NDUFA9: variants seen among roughly 807,000 people sequenced by gnomAD.
The protein encoded by NDUFA9 is NADH:ubiquinone oxidoreductase subunit A9.
Under a neutral mutation model 45.9 loss-of-function variants are expected in NDUFA9, and 23 were observed. The observed-to-expected ratio is 0.50, with a 90% CI of 0.36 to 0.71. NDUFA9 has a LOEUF of 0.71. NDUFA9 is among the 30% of genes least tolerant of loss of function. NDUFA9 has a pLI of 0.00. For missense variants in NDUFA9, 466 were observed against 488.2 expected (o/e 0.95, Z 0.43); for synonymous variants, 176 against 170.5 (o/e 1.03, Z -0.25).
At chr12:4,654,639 T>G (rs1945778997) in intron 2 of NDUFA9, among the ~76,000 whole-genome samples, 177 bp downstream of exon 2, 1 of 152,182 alleles carries the variant, frequency 6.6e-6, no homozygotes, top group African/African-American at 2.4e-5. Context: ...TATATAGGAA[T>G]TATTAGGATA....
chr12:4,660,843 G>C (rs1945819427), intron 5 of NDUFA9, among the ~76,000 whole-genome samples: 1 of 152,194 alleles, frequency 6.6e-6, no homozygotes, highest in Non-Finnish European at 1.5e-5. Context: ...ATTGAGTGCA[G>C]TGGTTGGAGC....
Position 4,688,109 on chromosome 12 carries a change from CA to C in NDUFA9, c.*1005del, listed in dbSNP as rs1945998593. ...TGCCTGCATCAGAATCTTTTTATCC[CA>C]AAACGGTCAACAGTGAGCTACTCCA... On this transcript the variant is annotated 3_prime_UTR_variant, in exon 11 of 11. Coordinates refer to ENST00000266544, the MANE Select transcript of NDUFA9 (RefSeq NM_005002.5). 1.3e-5 allele frequency: 2 copies of C among 152,212 alleles called. No individual in the cohort carries two copies. 9.4% of individuals were successfully genotyped at this position (152,212 alleles called of 1,614,324 possible).
intron 8 of NDUFA9, among the ~76,000 whole-genome samples, chr12:4,672,504 C>T (rs896384278): frequency 6.6e-6 from 1 of 152,234 alleles, no homozygotes. Context: ...TCGCTCCTAG[C>T]TCAGCAGTCT....
Position 4,688,526 on chromosome 12 carries a change from A to G in NDUFA9, c.*1418A>G, listed in dbSNP as rs1166023853. On this transcript the variant is annotated 3_prime_UTR_variant, in exon 11 of 11. Coordinates refer to ENST00000266544, the MANE Select transcript of NDUFA9 (RefSeq NM_005002.5). ...AGAATCCTAGGTTTTGTCCTGTCCC[A>G]GGCGTGTTGAATCAGAATCTGCATT... is the stretch of plus-strand genomic sequence containing the variant. The G allele has an allele frequency of 1.3e-5, 2 of 149,900 alleles. No homozygotes were observed. Among genetic ancestry groups the G allele is most frequent in the East Asian group, 3.9e-4 (2 of 5,102 alleles). 9.3% of individuals were successfully genotyped at this position (149,900 alleles called of 1,614,324 possible).
Position 4,693,832 on chromosome 12 carries a change from G to C in NDUFA9, c.*6724G>C, listed in dbSNP as rs905771748. The stretch of plus-strand genomic sequence containing the variant: ...AGTAAGAAATTTGAATTAAGGAATC[G>C]TAAGGGAATCGAGATTATCTAGTTT... On this transcript the variant is annotated 3_prime_UTR_variant, in exon 11 of 11. Transcript: ENST00000266544. The C allele has an allele frequency of 4.6e-5, 7 of 152,294 alleles. No individual in the cohort carries two copies. Among genetic ancestry groups the C allele is most frequent in the East Asian group, 3.9e-4 (2 of 5,188 alleles). The allele number at this position is 152,294 out of a possible 1,614,324, so 9.4% of individuals were successfully genotyped here. A position where few individuals can be genotyped will look rare whatever the true frequency, so the allele number is the denominator to read the frequency against.
Position 4,681,748 on chromosome 12 carries a change from G to A in NDUFA9, c.801-457G>A, listed in dbSNP as rs553895640. Among the ~76,000 whole-genome samples the A allele has an allele frequency of 3.4e-3, 511 of 151,610 alleles. 4 individuals carry two copies. Among genetic ancestry groups the A allele is most frequent in the African/African-American group, 0.012 (482 of 41,420 alleles). The stretch of plus-strand genomic sequence containing the variant: ...ACTTCTACAAATATATTCTAAATGC[G>A]TAATCATGGATAAGTACAAATATTT... On this transcript the variant is annotated intron_variant, in intron 8 of 10. Transcript: ENST00000266544.
chr12:4,662,789 A>G (rs538385627), intron 6 of NDUFA9, 154 bp downstream of exon 6: 6 of 568,536 alleles, frequency 1.1e-5, no homozygotes, highest in Non-Finnish European at 1.9e-5. Flanking sequence ...TTCATAGTCA[A>G]TGTAGTCTTT....
intron 10 of NDUFA9, among the ~76,000 whole-genome samples, chr12:4,686,423 T>TG (rs1483660238): frequency 1.4e-5 from 2 of 144,656 alleles, no homozygotes; most frequent in Admixed American, 1.4e-4. Context: ...AAAAGTTACT[T>TG]GTTTTTTTTT....
chr12:4,670,759 T>A (rs929042217), intron 8 of NDUFA9, among the ~76,000 whole-genome samples: 4 of 152,204 alleles, frequency 2.6e-5, no homozygotes, highest in Non-Finnish European at 5.9e-5. Flanking sequence ...TAGCATGCAA[T>A]CAGTTATATA....
chr12:4,685,750 C>T (rs770210312), intron 10 of NDUFA9, among the ~76,000 whole-genome samples: 9 of 152,160 alleles, frequency 5.9e-5, no homozygotes, highest in Non-Finnish European at 8.8e-5. Context: ...TCCCATTTCT[C>T]CCCTAAAATT....
At chr12:4,686,133 C>T (rs1391476858) in intron 10 of NDUFA9, among the ~76,000 whole-genome samples, 3 of 152,218 alleles carry the variant, frequency 2.0e-5, no homozygotes, top group Non-Finnish European at 4.4e-5. Context: ...TACGTTTATA[C>T]TTGAGAAAGT....
intron 1 of NDUFA9, among the ~76,000 whole-genome samples, 176 bp from the exon 2 acceptor site, chr12:4,654,116 T>C (rs1945775326): frequency 1.3e-5 from 2 of 152,200 alleles, no homozygotes; most frequent in African/African-American, 4.8e-5. Context: ...TTTCCTCATG[T>C]CCTCTGGATT....
intron 8 of NDUFA9, among the ~76,000 whole-genome samples, chr12:4,671,965 G>A (rs1008668779): frequency 6.6e-6 from 1 of 152,202 alleles, no homozygotes; most frequent in African/African-American, 2.4e-5. Flanking sequence ...TGGCTGAATA[G>A]GAACAGCTGC....
chr12:4,677,310 TTAATC>T (rs1312711767), intron 8 of NDUFA9, among the ~76,000 whole-genome samples: 1 of 152,220 alleles, frequency 6.6e-6, no homozygotes, highest in Admixed American at 6.5e-5. Context: ...TGGGATCTAA[TTAATC>T]TAAAGAGCTT....
At chr12:4,657,907 C>A in intron 4 of NDUFA9, 68 bp downstream of exon 4, 1 of 1,225,054 alleles carries the variant, frequency 8.2e-7, no homozygotes, top group South Asian at 1.2e-5. Flanking sequence ...CTTCGCTGGG[C>A]ACCTTTTATG....
At chr12:4,651,681 C>A (rs1455568587) in intron 1 of NDUFA9, among the ~76,000 whole-genome samples, 1 of 152,114 alleles carries the variant, frequency 6.6e-6, no homozygotes, top group Non-Finnish European at 1.5e-5. Flanking sequence ...TTCCTCAACT[C>A]AAGTAATTCT....
chr12:4,685,157 A>T, intron 9 of NDUFA9, 102 bp from the exon 10 acceptor site: 1 of 1,011,840 alleles, frequency 9.9e-7, no homozygotes, highest in Non-Finnish European at 1.6e-6. Context: ...ATCAGTTCAG[A>T]CTGCTCTACA....
chr12:4,688,480 G>GAAAAAAA lies in NDUFA9; in HGVS notation c.*1383_*1389dup, dbSNP rs541489554. 7.6e-6 allele frequency: 1 copy of GAAAAAAA among 132,038 alleles called. No homozygotes were observed. The allele number at this position is 132,038 out of a possible 1,614,324, so 8.2% of individuals were successfully genotyped here. A position where few individuals can be genotyped will look rare whatever the true frequency, so the allele number is the denominator to read the frequency against. On this transcript the variant is annotated 3_prime_UTR_variant, in exon 11 of 11. Coordinates refer to ENST00000266544, the MANE Select transcript of NDUFA9 (RefSeq NM_005002.5). Reference sequence around the variant, plus strand: ...AGCTTGGACTGAAGATCCTGTCTCAGAAAAAAAAAAAAAAAAAGGCAGAAT... The same window carrying GAAAAAAA: ...AGCTTGGACTGAAGATCCTGTCTCAGAAAAAAAAAAAAAAAAAAAAAAAAGGCAGAAT...
intron 8 of NDUFA9, among the ~76,000 whole-genome samples, chr12:4,676,195 G>A (rs926373953): frequency 6.6e-6 from 1 of 152,138 alleles, no homozygotes; most frequent in African/African-American, 2.4e-5. Context: ...TACTGATTGG[G>A]CGAAAACTGG....
Sources: allele counts gnomAD v4.1 joint callset (sites outside exome capture counted in the v4.1 genomes callset), GRCh38; gene constraint gnomAD v4.1.1; transcripts MANE v1.5; gene names NCBI Gene and HGNC (gene_info 2026-07-23, HGNC 2026-07-21).